ENOX1: variants seen among roughly 807,000 people sequenced by gnomAD.
The protein encoded by ENOX1 is ecto-NOX disulfide-thiol exchanger 1.
ENOX1 carries 42 observed loss-of-function variants against 82.5 expected under a neutral mutation model. The observed-to-expected ratio is 0.51, with a 90% confidence interval of 0.40 to 0.66. The LOEUF (loss-of-function observed/expected upper bound fraction) is 0.66, where lower values mean the gene tolerates loss of function less well. Among genes scored for constraint, ENOX1 ranks in the 30% least tolerant of loss-of-function variants. The pLI is 0.00. For missense variants in ENOX1, 608 were observed against 811.6 expected (o/e 0.75, Z 3.05); for synonymous variants, 271 against 282.2 (o/e 0.96, Z 0.40).
At chr13:43,743,027 T>C (rs1395543038) in intron 1 of ENOX1, among the ~76,000 whole-genome samples, 1 of 152,156 alleles carries the variant, frequency 6.6e-6, no homozygotes, top group Non-Finnish European at 1.5e-5. Flanking sequence ...CACTAGTTAA[T>C]GTTCCTTTAC....
intron 1 of ENOX1, among the ~76,000 whole-genome samples, chr13:43,715,824 C>T (rs1404572716): frequency 4.6e-5 from 7 of 152,032 alleles, no homozygotes; most frequent in Non-Finnish European, 8.8e-5. Context: ...CCATCAGCTC[C>T]TTTAAGGACT....
chr13:43,631,263 G>T (rs2083204129), intron 2 of ENOX1, among the ~76,000 whole-genome samples: 1 of 152,134 alleles, frequency 6.6e-6, no homozygotes, highest in South Asian at 2.1e-4. Context: ...GCAGCTACTA[G>T]CTGCACTAGG....
intron 11 of ENOX1, among the ~76,000 whole-genome samples, chr13:43,304,342 T>C (rs1303569539): frequency 6.6e-6 from 1 of 152,190 alleles, no homozygotes; most frequent in Admixed American, 6.5e-5. Flanking sequence ...ATTTCTATTT[T>C]CCAGATGATG....
At chr13:43,421,666 C>T (rs1244801329) in intron 3 of ENOX1, among the ~76,000 whole-genome samples, 3 of 152,116 alleles carry the variant, frequency 2.0e-5, no homozygotes, top group East Asian at 3.9e-4. Context: ...TCTCATAGCA[C>T]TCTGTACCTT....
intron 16 of ENOX1, among the ~76,000 whole-genome samples, chr13:43,217,925 A>C (rs1458105868): frequency 6.6e-6 from 1 of 152,200 alleles, no homozygotes; most frequent in Non-Finnish European, 1.5e-5. Context: ...GCACAAAACA[A>C]ATGACGGTCC....
At chr13:43,328,771 T>C (rs1278572172) in intron 9 of ENOX1, among the ~76,000 whole-genome samples, 1 of 152,204 alleles carries the variant, frequency 6.6e-6, no homozygotes, top group Non-Finnish European at 1.5e-5. Flanking sequence ...TGTGGCTAAG[T>C]GCCTCGGTTA....
At chr13:43,270,129 T>C (rs1413428084) in intron 12 of ENOX1, among the ~76,000 whole-genome samples, 1 of 152,192 alleles carries the variant, frequency 6.6e-6, no homozygotes, top group Admixed American at 6.5e-5. Flanking sequence ...CATCAAGCTA[T>C]GGCCTACACT....
intron 1 of ENOX1, among the ~76,000 whole-genome samples, chr13:43,698,132 A>C (rs1282334129): frequency 6.6e-6 from 1 of 152,220 alleles, no homozygotes; most frequent in African/African-American, 2.4e-5. Flanking sequence ...ACTCAAAAAA[A>C]ATGGGTGAGT....
intron 2 of ENOX1, among the ~76,000 whole-genome samples, chr13:43,525,946 T>C (rs2077971470): frequency 6.6e-6 from 1 of 152,148 alleles, no homozygotes; most frequent in African/African-American, 2.4e-5. Context: ...AAATAATTTA[T>C]ATTCTTCATT....
intron 14 of ENOX1, among the ~76,000 whole-genome samples, chr13:43,248,159 A>G (rs2043247026): frequency 6.6e-6 from 1 of 151,588 alleles, no homozygotes; most frequent in South Asian, 2.1e-4. Flanking sequence ...TGCTGGGATT[A>G]CAGGCGTGAG....
intron 14 of ENOX1, among the ~76,000 whole-genome samples, chr13:43,246,053 T>A (rs2043066649): frequency 6.6e-6 from 1 of 152,216 alleles, no homozygotes; most frequent in South Asian, 2.1e-4. Context: ...CTGGTGGCCT[T>A]CTTTCTAGGT....
At chr13:43,494,631 C>T (rs562270957) in intron 2 of ENOX1, among the ~76,000 whole-genome samples, 8 of 152,126 alleles carry the variant, frequency 5.3e-5, no homozygotes, top group South Asian at 2.1e-4. Flanking sequence ...TCATGACACA[C>T]GGGAGTGACA....
At chr13:43,631,137 T>TATTTAAG (rs1358924267) in intron 2 of ENOX1, among the ~76,000 whole-genome samples, 2 of 152,194 alleles carry the variant, frequency 1.3e-5, no homozygotes. Flanking sequence ...TATTTGTGGG[T>TATTTAAG]ATTTAAGTTT....
chr13:43,249,589 C>T (rs1193823208), intron 14 of ENOX1, among the ~76,000 whole-genome samples: 2 of 152,082 alleles, frequency 1.3e-5, no homozygotes, highest in African/African-American at 4.8e-5. Flanking sequence ...CTCAGTATGA[C>T]ATTTCTTATT....
intron 1 of ENOX1, among the ~76,000 whole-genome samples, chr13:43,772,700 G>A (rs1951704126): frequency 6.9e-6 from 1 of 145,066 alleles, no homozygotes; most frequent in Non-Finnish European, 1.5e-5. Flanking sequence ...AGTGAGCTGA[G>A]ACTGTGCTAC....
chr13:43,257,987 T>G (rs1320910175), intron 14 of ENOX1, among the ~76,000 whole-genome samples: 1 of 152,158 alleles, frequency 6.6e-6, no homozygotes, highest in Non-Finnish European at 1.5e-5. Flanking sequence ...TCAGCTTTAT[T>G]AAACTTGCTA....
chr13:43,405,177 A>C (rs542266777), intron 5 of ENOX1, among the ~76,000 whole-genome samples: 36 of 152,202 alleles, frequency 2.4e-4, no homozygotes, highest in East Asian at 1.5e-3. Flanking sequence ...TCCAGATTCT[A>C]TTTTTTTATC....
intron 1 of ENOX1, among the ~76,000 whole-genome samples, chr13:43,678,502 T>C (rs2085624782): frequency 6.6e-6 from 1 of 152,214 alleles, no homozygotes; most frequent in South Asian, 2.1e-4. Context: ...CATGAATGAA[T>C]GCATGTGTCT....
intron 2 of ENOX1, among the ~76,000 whole-genome samples, chr13:43,543,000 G>T (rs2078810094): frequency 6.6e-6 from 1 of 152,050 alleles, no homozygotes; most frequent in Admixed American, 6.5e-5. Flanking sequence ...CCTCCCAAAG[G>T]CCCTACCACC....
Sources: allele counts gnomAD v4.1 joint callset (sites outside exome capture counted in the v4.1 genomes callset), GRCh38; gene constraint gnomAD v4.1.1; transcripts MANE v1.5; gene names NCBI Gene and HGNC (gene_info 2026-07-23, HGNC 2026-07-21).